ERBB4: variants seen among roughly 807,000 people sequenced by gnomAD.
ERBB4 encodes the protein erb-b2 receptor tyrosine kinase 4.
ERBB4 carries 42 observed loss-of-function variants against 158.0 expected under a neutral mutation model. The ratio of observed to expected loss-of-function variants is 0.27; its 90% CI spans 0.21 to 0.34. The LOEUF (loss-of-function observed/expected upper bound fraction) is 0.34, where lower values mean the gene tolerates loss of function less well. Ranked by LOEUF, ERBB4 falls within the 10% of genes least tolerant of loss-of-function variation. The pLI, the probability that ERBB4 is intolerant of heterozygous loss-of-function variation, is 1.00. For missense variants in ERBB4, 1,333 were observed against 1,624.1 expected (o/e 0.82, Z 3.08); for synonymous variants, 583 against 558.7 (o/e 1.04, Z -0.61).
At chr2:212,482,220 A>T (rs1300573707) in intron 1 of ERBB4, among the ~76,000 whole-genome samples, 1 of 152,226 alleles carries the variant, frequency 6.6e-6, no homozygotes, top group African/African-American at 2.4e-5. Context: ...AAAAACCCAA[A>T]TCAAAAACAA....
intron 1 of ERBB4, among the ~76,000 whole-genome samples, chr2:212,254,100 T>TA (rs199666510): frequency 8.6e-5 from 13 of 150,516 alleles, no homozygotes; most frequent in East Asian, 3.9e-4. Flanking sequence ...CTGTAAAATT[T>TA]AAAAAAAAAA....
At chr2:211,550,108 C>A (rs903052568) in intron 20 of ERBB4, among the ~76,000 whole-genome samples, 5 of 152,078 alleles carry the variant, frequency 3.3e-5, no homozygotes, top group Non-Finnish European at 5.9e-5. Context: ...AAATGCTGAC[C>A]ACCATTAAGC....
chr2:212,047,955 G>A (rs574527071), intron 2 of ERBB4, among the ~76,000 whole-genome samples: 25 of 152,276 alleles, frequency 1.6e-4, no homozygotes, highest in Non-Finnish European at 1.5e-5. Context: ...AAAGCAAAGT[G>A]ATATAATGAG....
chr2:211,496,005 A>G (rs1268956165), intron 20 of ERBB4, among the ~76,000 whole-genome samples: 9 of 151,998 alleles, frequency 5.9e-5, no homozygotes, highest in African/African-American at 2.2e-4. Context: ...GTTCTCATCT[A>G]TTTGACCCAT....
intron 20 of ERBB4, among the ~76,000 whole-genome samples, chr2:211,489,502 A>G (rs988373181): frequency 6.6e-6 from 1 of 152,050 alleles, no homozygotes; most frequent in African/African-American, 2.4e-5. Context: ...TATTATAGTT[A>G]TTATAAAAAT....
At chr2:211,418,557 C>T (rs2063444049) in intron 25 of ERBB4, among the ~76,000 whole-genome samples, 1 of 151,996 alleles carries the variant, frequency 6.6e-6, no homozygotes, top group African/African-American at 2.4e-5. Flanking sequence ...ATCTAGCTAG[C>T]TCAAACCTTT....
intron 1 of ERBB4, among the ~76,000 whole-genome samples, chr2:212,165,029 T>A (rs1265553268): frequency 4.0e-5 from 6 of 151,840 alleles, no homozygotes; most frequent in South Asian, 2.1e-4. Flanking sequence ...ACCATTTTTT[T>A]AATTAACTGT....
chr2:212,177,740 G>A (rs150945793), intron 1 of ERBB4, among the ~76,000 whole-genome samples: 1 of 151,998 alleles, frequency 6.6e-6, no homozygotes, highest in Admixed American at 6.6e-5. Context: ...CATATCATAT[G>A]TTCTTAGACA....
intron 4 of ERBB4, among the ~76,000 whole-genome samples, chr2:211,765,724 A>G (rs549595521): frequency 1.3e-5 from 2 of 152,330 alleles, no homozygotes; most frequent in African/African-American, 4.8e-5. Context: ...ATGCATTTCA[A>G]TGAAATTTAG....
intron 18 of ERBB4, among the ~76,000 whole-genome samples, chr2:211,620,413 G>C (rs1264621977): frequency 6.6e-6 from 1 of 152,192 alleles, no homozygotes; most frequent in South Asian, 2.1e-4. Context: ...TTTTCACTTT[G>C]AACTTTTATG....
At chr2:211,835,786 T>C (rs763933646) in intron 3 of ERBB4, among the ~76,000 whole-genome samples, 8 of 152,058 alleles carry the variant, frequency 5.3e-5, no homozygotes, top group Non-Finnish European at 1.2e-4. Flanking sequence ...AAGTAGGTCA[T>C]GATCATATTA....
intron 2 of ERBB4, among the ~76,000 whole-genome samples, chr2:212,072,135 T>C (rs1408497892): frequency 6.6e-6 from 1 of 152,008 alleles, no homozygotes; most frequent in East Asian, 1.9e-4. Flanking sequence ...CAAATGTGTG[T>C]ATTCAGGTCA....
chr2:211,801,819 T>C lies in ERBB4; in HGVS notation c.422-13660A>G, dbSNP rs80075492. Among the ~76,000 whole-genome samples, 1,123 of 152,336 alleles carry C rather than the reference T, an allele frequency of 7.4e-3. 15 individuals carry two copies. The highest frequency in any genetic ancestry group is 0.026 in the African/African-American group (1,078 of 41,574). On this transcript the variant is annotated intron_variant, in intron 3 of 27. Transcript: ENST00000342788. The stretch of plus-strand genomic sequence containing the variant: ...ATACATTCATGTTCTACGCCTAATT[T>C]ATTTTTGTAGGGCATGTGTTTATAT...
chr2:212,255,923 G>A (rs2084713743), intron 1 of ERBB4, among the ~76,000 whole-genome samples: 1 of 151,790 alleles, frequency 6.6e-6, no homozygotes, highest in Non-Finnish European at 1.5e-5. Flanking sequence ...TAGGCTCAAG[G>A]GATCCTCCCA....
chr2:211,862,625 G>T (rs1179982547), intron 3 of ERBB4, among the ~76,000 whole-genome samples: 1 of 152,024 alleles, frequency 6.6e-6, no homozygotes, highest in Non-Finnish European at 1.5e-5. Flanking sequence ...TTTAGAATAG[G>T]TGAAGAAGAC....
chr2:212,353,546 C>T (rs2089344194), intron 1 of ERBB4, among the ~76,000 whole-genome samples: 1 of 151,718 alleles, frequency 6.6e-6, no homozygotes. Flanking sequence ...TCTGTACCTT[C>T]TGAAAATTTG....
rs1284169772 is a variant in ERBB4, at chr2:212,188,239, C to CCCCCCT, written c.83-63337_83-63336insAGGGGG. Among the ~76,000 whole-genome samples the CCCCCCT allele has an allele frequency of 1.6e-3, 23 of 14,356 alleles. 1 individual carries two copies. Among genetic ancestry groups the CCCCCCT allele is most frequent in the South Asian group, 5.7e-3 (1 of 176 alleles). 9.4% of individuals were successfully genotyped at this position (14,356 alleles called of 152,430 possible). On this transcript the variant is annotated intron_variant, in intron 1 of 27. Coordinates refer to ENST00000342788, the MANE Select transcript of ERBB4 (RefSeq NM_005235.3). ...CTCTCTCTCTCTCTCTCTCTCCCCC[C>CCCCCCT]CCCTCTCACCCCCTCCCTCCCTCCC...
At chr2:212,195,764 C>G (rs2082409122) in intron 1 of ERBB4, among the ~76,000 whole-genome samples, 1 of 152,064 alleles carries the variant, frequency 6.6e-6, no homozygotes, top group Admixed American at 6.6e-5. Flanking sequence ...TTTCAAAGAA[C>G]TCATTTCAGA....
chr2:211,992,382 G>A (rs2082094330), intron 2 of ERBB4, among the ~76,000 whole-genome samples: 1 of 151,990 alleles, frequency 6.6e-6, no homozygotes, highest in African/African-American at 2.4e-5. Flanking sequence ...ACTGTCACAA[G>A]AATAGCATGG....
Sources: gnomAD v4.1 joint callset for allele counts (sites outside exome capture counted in the v4.1 genomes callset) on GRCh38, gnomAD v4.1.1 for gene constraint, MANE v1.5 for transcripts, NCBI Gene and HGNC (gene_info 2026-07-23, HGNC 2026-07-21) for gene names.